The following ZNF226 variants were observed in gnomAD, a reference collection of about 807,000 sequenced individuals.
ZNF226 encodes Kruppel-associated box protein.
In ZNF226, 6 loss-of-function variants were observed where a neutral mutation model predicts 11.4. The ratio of observed to expected loss-of-function variants is 0.53; its 90% confidence interval spans 0.29 to 1.04. ZNF226 has a LOEUF of 1.04. Ranked by LOEUF, ZNF226 falls within the 50% of genes least tolerant of loss-of-function variation. The probability of loss-of-function intolerance (pLI) is 0.08; values close to 1 mark genes in which losing one functional copy is unlikely to be tolerated. For missense variants in ZNF226, 1,058 were observed against 956.5 expected (o/e 1.11, Z -1.40); for synonymous variants, 350 against 322.8 (o/e 1.08, Z -0.90).
chr19:44,198,926 T>C, the ZNF226 span, among the ~76,000 whole-genome samples: 1 of 152,076 alleles, frequency 6.6e-6, no homozygotes, highest in Non-Finnish European at 1.5e-5. Context: ...TGCCTCAGTC[T>C]CCCAAATAGC....
the ZNF226 span, among the ~76,000 whole-genome samples, chr19:44,190,078 C>T: frequency 5.8e-4 from 89 of 152,294 alleles, no homozygotes; most frequent in Non-Finnish European, 1.1e-3. Flanking sequence ...CACAGAACTA[C>T]AATCTAATAA....
chr19:44,187,587 C>G, the ZNF226 span, among the ~76,000 whole-genome samples: 1 of 151,782 alleles, frequency 6.6e-6, no homozygotes, highest in Non-Finnish European at 1.5e-5. This position sits in a 1 kb window ranked among gnomAD's most constrained non-coding sequence, Gnocchi z 4.0. Context: ...TCAAAACAGA[C>G]TCTTAATTTT....
intron 2 of ZNF226, among the ~76,000 whole-genome samples, chr19:44,166,463 G>C (rs1473693409): frequency 6.6e-6 from 1 of 152,146 alleles, no homozygotes; most frequent in Non-Finnish European, 1.5e-5. Context: ...TCACACCGGT[G>C]CACTCCAGCC....
At chr19:44,181,692 G>T (rs2122544205), downstream of ZNF226, among the ~76,000 whole-genome samples, 1 of 152,244 alleles carries the variant, frequency 6.6e-6, no homozygotes, top group South Asian at 2.1e-4. Context: ...TGAGGGTTTT[G>T]CTCAATCTAG....
At chr19:44,170,970 G>C (rs1459048878) in intron 3 of ZNF226, among the ~76,000 whole-genome samples, 2 of 149,420 alleles carry the variant, frequency 1.3e-5, no homozygotes, top group Non-Finnish European at 3.0e-5. Context: ...TCTCTTCATT[G>C]TATGTACTTG....
chr19:44,193,693 T>A, the ZNF226 span, among the ~76,000 whole-genome samples: 1 of 152,276 alleles, frequency 6.6e-6, no homozygotes, highest in South Asian at 2.1e-4. Context: ...GTTAGCAGAT[T>A]CAGAGCGAGC....
chr19:44,192,773 T>C, the ZNF226 span, among the ~76,000 whole-genome samples: 1 of 152,140 alleles, frequency 6.6e-6, no homozygotes, highest in Non-Finnish European at 1.5e-5. Flanking sequence ...CGGCTGAAAA[T>C]TTAAACGGAT....
chr19:44,171,990 C>A, intron 3 of ZNF226, 98 bp from the exon 4 acceptor site: 1 of 1,503,640 alleles, frequency 6.7e-7, no homozygotes, highest in South Asian at 1.1e-5. Context: ...AATCTACAAA[C>A]GGCTGGGCAT....
Position 44,177,214 on chromosome 19 carries a change from GT to G in ZNF226, c.1955del (p.Phe652SerfsTer33). On this transcript the variant is annotated frameshift_variant, in exon 6 of 6. Transcript: ENST00000337433. LOFTEE classifies it low-confidence loss of function (END_TRUNC). Reference sequence around the variant, plus strand: ...TTCAAATGTGAAGAATGTGGGAAGAGTTTCGGTCGGAGTGCACATCTTCAAG... The same window carrying G: ...TTCAAATGTGAAGAATGTGGGAAGAGTTCGGTCGGAGTGCACATCTTCAAG... ...KPFKCEECGK[S>X]FGRSAHLQAH... The G allele has an allele frequency of 6.2e-7, 1 of 1,613,898 alleles. No individual in the cohort carries two copies. The highest frequency in any genetic ancestry group is 8.5e-7 in the Non-Finnish European group (1 of 1,179,992).
intron 5 of ZNF226, chr19:44,173,339 C>T (rs2122422358): frequency 3.3e-6 from 1 of 299,408 alleles, no homozygotes; most frequent in African/African-American, 2.1e-5. Flanking sequence ...TCTTGCTTTT[C>T]AGACCTATCA....
At chr19:44,186,923 A>G in the ZNF226 span, among the ~76,000 whole-genome samples, 1 of 148,236 alleles carries the variant, frequency 6.7e-6, no homozygotes, top group East Asian at 2.0e-4. Flanking sequence ...TATGTGGTGT[A>G]TTACATTGAT....
chr19:44,186,023 C>A, the ZNF226 span, among the ~76,000 whole-genome samples: 4 of 152,040 alleles, frequency 2.6e-5, no homozygotes, highest in South Asian at 8.3e-4. Context: ...ACTGTCCTTT[C>A]CTCATTGTGT....
At chr19:44,170,680 G>C (rs1969984876) in intron 3 of ZNF226, among the ~76,000 whole-genome samples, 1 of 152,204 alleles carries the variant, frequency 6.6e-6, no homozygotes, top group Admixed American at 6.5e-5. Flanking sequence ...CTTGCAGTGA[G>C]CAGAGATCGT....
In ZNF226 at chr19:44,176,406, CAG is replaced by C; in HGVS notation, c.1148_1149del (p.Arg383ThrfsTer11). On this transcript the variant is annotated frameshift_variant, in exon 6 of 6. Transcript: ENST00000337433. LOFTEE classifies it low-confidence loss of function (END_TRUNC). The stretch of plus-strand genomic sequence containing the variant: ...TCAGGCCTCTCATCTTCAGGACCAT[CAG>C]AGACTCCACACTGGGGAGAAGCCAT... Reference protein sequence around the residue: ...FSQASHLQDHQRLHTGEKPFK... With the variant: ...FSQASHLQDHXRLHTGEKPFK... 2 of 1,614,092 alleles carry C rather than the reference CAG, an allele frequency of 1.2e-6. No individual in the cohort carries two copies. Among genetic ancestry groups the C allele is most frequent in the Non-Finnish European group, 1.7e-6 (2 of 1,180,000 alleles).
In ZNF226 at chr19:44,175,808, G is replaced by A. The variant is rs752757014; in HGVS notation, c.546G>A (p.Gln182=). ...SWRKTFLTES[Q]RLNRDQQISI... The stretch of plus-strand genomic sequence containing the variant: ...GGAAAACATTCCTGACTGAGTCACA[G>A]AGATTGAACAGAGATCAGCAAATTT... Residue 182 remains glutamine, a synonymous_variant, in exon 6 of 6, where the codon CAG becomes CAA. Transcript: ENST00000337433. 6.2e-7 allele frequency: 1 copy of A among 1,613,768 alleles called. No individual in the cohort carries two copies. The highest frequency in any genetic ancestry group is 1.1e-5 in the South Asian group (1 of 91,020).
the ZNF226 span, among the ~76,000 whole-genome samples, chr19:44,183,468 G>A: frequency 6.6e-6 from 1 of 152,086 alleles, no homozygotes; most frequent in Non-Finnish European, 1.5e-5. Context: ...CTTTGTATGT[G>A]CCAAAAAAAA....
Position 44,176,659 on chromosome 19 carries a change from A to G in ZNF226, c.1397A>G (p.Gln466Arg), listed in dbSNP as rs2122507919. ...FSRPSSLQAHQGVHTGEKSYI... is the reference protein window; with the variant it reads ...FSRPSSLQAHRGVHTGEKSYI... ...CGGCCTTCAAGTCTTCAGGCCCATC[A>G]GGGAGTTCACACTGGAGAGAAGTCA... is the stretch of plus-strand genomic sequence containing the variant. The change falls in exon 6 of 6, where the codon CAG (glutamine) becomes CGG (arginine). Residue 466 changes from glutamine to arginine, a missense_variant. Gln to Arg is a conservative substitution (Grantham distance 43). Transcript: ENST00000337433. The G allele has an allele frequency of 6.2e-7, 1 of 1,614,120 alleles. No individual in the cohort carries two copies. Among genetic ancestry groups the G allele is most frequent in the East Asian group, 2.2e-5 (1 of 44,874 alleles).
Position 44,175,980 on chromosome 19 carries a change from G to T in ZNF226, c.718G>T (p.Asp240Tyr). ...EKDNMKILTF[D>Y]HNSMIHTGQK... is the part of the protein sequence containing the mutation. ...AGACAACATGAAGATTTTGACATTT[G>T]ATCACAATAGCATGATTCACACAGG... Residue 240 changes from aspartate to tyrosine, a missense_variant, in exon 6 of 6, where the codon GAT (aspartate) becomes TAT (tyrosine). By Grantham distance (160) the Asp-to-Tyr change is radical. Coordinates refer to ENST00000337433, the MANE Select transcript of ZNF226 (RefSeq NM_001032373.2). The T allele has an allele frequency of 6.2e-7, 1 of 1,613,768 alleles. No individual in the cohort carries two copies. The highest frequency in any genetic ancestry group is 1.1e-5 in the South Asian group (1 of 91,026).
downstream of ZNF226, among the ~76,000 whole-genome samples, chr19:44,180,029 G>A (rs1271282783): frequency 6.8e-6 from 1 of 146,522 alleles, no homozygotes; most frequent in African/African-American, 2.5e-5. Flanking sequence ...GGAGGTTGCA[G>A]TGAGCTGCGA....
Sources: allele counts gnomAD v4.1 joint callset (sites outside exome capture counted in the v4.1 genomes callset), GRCh38; gene constraint gnomAD v4.1.1; non-coding constraint Gnocchi (gnomAD v3.1); transcripts MANE v1.5; gene names NCBI Gene and HGNC (gene_info 2026-07-23, HGNC 2026-07-21).